KLKB1: variants seen among roughly 807,000 people sequenced by gnomAD.
KLKB1 encodes the protein plasma kallikrein.
Under a neutral mutation model 73.6 loss-of-function variants are expected in KLKB1, and 58 were observed. The ratio of observed to expected loss-of-function variants is 0.79; its 90% confidence interval spans 0.64 to 0.98. KLKB1 has a LOEUF of 0.98. Ranked by LOEUF, KLKB1 falls within the 50% of genes least tolerant of loss-of-function variation. KLKB1 has a pLI of 0.00. For missense variants in KLKB1, 737 were observed against 763.8 expected (o/e 0.96, Z 0.41); for synonymous variants, 280 against 258.1 (o/e 1.08, Z -0.81).
rs562315591 is a variant in KLKB1 at position 186,246,727 on chromosome 4, T to TG, written c.599-3509dup. On this transcript the variant is annotated intron_variant, in intron 6 of 14. Transcript: ENST00000264690. Reference sequence around the variant, plus strand: ...AGGGTAGAGACATGGAGAGAAGGGGTGGGGGGGTGCTTGCCCCCAGGAAAG... The same window carrying TG: ...AGGGTAGAGACATGGAGAGAAGGGGTGGGGGGGGTGCTTGCCCCCAGGAAAG... Among the ~76,000 whole-genome samples, 352 of 151,034 alleles carry TG rather than the reference T, an allele frequency of 2.3e-3. 1 individual carries two copies. Among genetic ancestry groups the TG allele is most frequent in the Admixed American group, 4.5e-3 (69 of 15,204 alleles).
intron 2 of KLKB1, among the ~76,000 whole-genome samples, chr4:186,218,499 C>CT (rs1478429174): frequency 6.6e-6 from 1 of 151,950 alleles, no homozygotes; most frequent in African/African-American, 2.4e-5. Flanking sequence ...ATTTTTCTAC[C>CT]TTTTTTTATG....
chr4:186,246,611 A>C lies in KLKB1; in HGVS notation c.599-3632A>C, dbSNP rs28853377. On this transcript the variant is annotated intron_variant, in intron 6 of 14. Transcript: ENST00000264690. ...GTCAGGTGTGAGTTGAAGAGGTTTT[A>C]AGTTCTTGAGAACATAGGCTAAGGG... Among the ~76,000 whole-genome samples the C allele has an allele frequency of 4.1e-3, 625 of 152,254 alleles. 2 individuals carry two copies. Among genetic ancestry groups the C allele is most frequent in the African/African-American group, 0.014 (593 of 41,554 alleles).
upstream of KLKB1, among the ~76,000 whole-genome samples, chr4:186,225,648 A>G (rs951620085): frequency 4.2e-4 from 64 of 151,832 alleles, no homozygotes; most frequent in African/African-American, 1.5e-3. Context: ...GTTAGCCAGG[A>G]TGGTCTCGAT....
chr4:186,256,308 A>G (rs1241588255), intron 13 of KLKB1, among the ~76,000 whole-genome samples: 1 of 152,216 alleles, frequency 6.6e-6, no homozygotes, highest in African/African-American at 2.4e-5. Context: ...TTACTTCATT[A>G]TAAAGATCAG....
Position 186,254,669 on chromosome 4 carries a change from A to C in KLKB1, c.1395A>C (p.Gln465His). 6.2e-7 allele frequency: 1 copy of C among 1,613,594 alleles called. No homozygotes were observed. The highest frequency in any genetic ancestry group is 8.5e-7 in the Non-Finnish European group (1 of 1,179,522). Residue 465 changes from glutamine (Q) to histidine (H), a missense_variant, in exon 12 of 15, where the codon CAA becomes CAC. Physicochemically the swap from Gln to His is conservative, Grantham distance 24. Transcript: ENST00000264690. ...SDITKDTPFS[Q>H]IKEIIIHQNY... The stretch of plus-strand genomic sequence containing the variant: ...TTACAAAAGATACACCTTTCTCACA[A>C]ATAAAAGAGATTATTATTCACCAAA...
intron 3 of KLKB1, among the ~76,000 whole-genome samples, chr4:186,233,191 G>A (rs1375711284): frequency 1.3e-5 from 2 of 152,184 alleles, no homozygotes; most frequent in Non-Finnish European, 2.9e-5. Context: ...GGGATTACAG[G>A]CATGAGCCAC....
At position 186,251,859 on chromosome 4, in the gene KLKB1, C is replaced by T. The variant is rs1738698116; in HGVS notation, c.1142C>T (p.Ser381Phe). Residue 381 changes from serine to phenylalanine, a missense_variant and splice_region_variant, in exon 10 of 15, where the codon TCT becomes TTT. Coordinates refer to ENST00000264690, the MANE Select transcript of KLKB1 (RefSeq NM_000892.5). ...SLRLCNTGDN[S>F]VCTTKTSTRI... is the part of the protein sequence containing the mutation. ...AGATTGTGTAACACTGGGGACAACT[C>T]TGGTGAGTAACCTCACTTTTTCGTG... is the stretch of plus-strand genomic sequence containing the variant. 3 of 1,609,944 alleles carry T rather than the reference C, an allele frequency of 1.9e-6. No individual in the cohort carries two copies. In the African/African-American group the frequency reaches 4.0e-5, roughly 21 times the overall value.
At chr4:186,213,795 G>C (rs1736808507) in intron 2 of KLKB1, among the ~76,000 whole-genome samples, 2 of 152,166 alleles carry the variant, frequency 1.3e-5, no homozygotes, top group Admixed American at 1.3e-4. Context: ...ATTTTTATCT[G>C]GAATGTTTCT....
At chr4:186,236,650 T>C in intron 4 of KLKB1, 131 bp from the exon 5 acceptor site, 1 of 757,324 alleles carries the variant, frequency 1.3e-6, no homozygotes, top group Non-Finnish European at 2.3e-6. Flanking sequence ...TTTAAATCCC[T>C]TAGTTAATAT....
upstream of KLKB1, among the ~76,000 whole-genome samples, chr4:186,222,335 G>C (rs1408974423): frequency 1.3e-5 from 2 of 151,984 alleles, no homozygotes; most frequent in Non-Finnish European, 2.9e-5. Context: ...TTCCTTTGTT[G>C]CTTCTTTTTG....
chr4:186,252,065 CT>C lies in KLKB1; in HGVS notation c.1195del (p.Trp399GlyfsTer8), dbSNP rs759532605. On this transcript the variant is annotated frameshift_variant, in exon 11 of 15. Transcript: ENST00000264690. LOFTEE classifies it high-confidence loss of function. Reference protein sequence around the residue: ...STRIVGGTNSSWGEWPWQVSL... With the variant: ...STRIVGGTNSXWGEWPWQVSL... ...CGCATTGTTGGAGGAACAAACTCTT[CT>C]TGGGGAGAGTGGCCCTGGCAGGTGA... 15 of 1,614,050 alleles carry C rather than the reference CT, an allele frequency of 9.3e-6. No individual in the cohort carries two copies. In the African/African-American group the frequency reaches 1.9e-4, roughly 20 times the overall value.
chr4:186,253,163 TTCAAAAAATG>T (rs2126674178), intron 11 of KLKB1, among the ~76,000 whole-genome samples: 1 of 152,288 alleles, frequency 6.6e-6, no homozygotes, highest in South Asian at 2.1e-4. Flanking sequence ...ACATAAACAC[TTCAAAAAATG>T]TAAACTGTGA....
In KLKB1 at chr4:186,239,332, T is replaced by C. The variant is rs956817435; in HGVS notation, c.598+967T>C. Among the ~76,000 whole-genome samples, 14 of 150,522 alleles carry C rather than the reference T, an allele frequency of 9.3e-5. No homozygotes were observed. In the East Asian group the frequency reaches 1.8e-3, roughly 19 times the overall value. On this transcript the variant is annotated intron_variant, in intron 6 of 14. Transcript: ENST00000264690. ...AGGACAGTGATATAGGACAGTGATA[T>C]TGTTATAGTTATAGGAAACTAGTAC...
chr4:186,256,847 G>T lies in KLKB1; in HGVS notation c.1586-379G>T, dbSNP rs903153871. On this transcript the variant is annotated intron_variant, in intron 13 of 14. Transcript: ENST00000264690. ...TAAATATAAAATGGGATTTCTGGGG[G>T]GCTGCTACTGAGATGAGGGGATGGC... Among the ~76,000 whole-genome samples, 7 of 152,206 alleles carry T rather than the reference G, an allele frequency of 4.6e-5. 1 individual carries two copies. Among genetic ancestry groups the T allele is most frequent in the Admixed American group, 2.0e-4 (3 of 15,292 alleles).
At chr4:186,227,223 A>C (rs1454802411), upstream of KLKB1, among the ~76,000 whole-genome samples, 4 of 152,174 alleles carry the variant, frequency 2.6e-5, no homozygotes, top group African/African-American at 9.7e-5. Context: ...TCTGTGCTGC[A>C]ACCAGGTGGC....
At chr4:186,215,178 T>TA (rs1434316541) in intron 2 of KLKB1, among the ~76,000 whole-genome samples, 1 of 152,084 alleles carries the variant, frequency 6.6e-6, no homozygotes, top group African/African-American at 2.4e-5. Context: ...TGTCTTATTT[T>TA]AAAAATGTTT....
Position 186,252,224 on chromosome 4 carries a change from G to A in KLKB1, c.1313+39G>A, listed in dbSNP as rs1364909465. ...GCATCTCATCCAGAGTCTTATCTTG[G>A]CTTTTCATTTTGAAGGATCTATGAT... is the stretch of plus-strand genomic sequence containing the variant. On this transcript the variant is annotated intron_variant, in intron 11 of 14. Transcript: ENST00000264690. 6 of 1,604,504 alleles carry A rather than the reference G, an allele frequency of 3.7e-6. No homozygotes were observed. In the African/African-American group the frequency reaches 6.7e-5, roughly 18 times the overall value.
At chr4:186,221,776 G>A (rs1737037995), upstream of KLKB1, among the ~76,000 whole-genome samples, 1 of 152,152 alleles carries the variant, frequency 6.6e-6, no homozygotes, top group African/African-American at 2.4e-5. Context: ...GCTTTTGAAA[G>A]GAATGTTCTG....
At chr4:186,224,296 C>G (rs1737101398), upstream of KLKB1, among the ~76,000 whole-genome samples, 1 of 152,212 alleles carries the variant, frequency 6.6e-6, no homozygotes, top group Non-Finnish European at 1.5e-5. Flanking sequence ...CCCAGTGGAG[C>G]TGTGAAAAGA....
Sources: allele counts gnomAD v4.1 joint callset (sites outside exome capture counted in the v4.1 genomes callset), GRCh38; gene constraint gnomAD v4.1.1; transcripts MANE v1.5; gene names NCBI Gene and HGNC (gene_info 2026-07-23, HGNC 2026-07-21).